PPP2R3B: variants seen among roughly 807,000 people sequenced by gnomAD.
PPP2R3B encodes the protein serine/threonine-protein phosphatase 2A regulatory subunit B'' subunit beta.
A neutral mutation model predicts 72.9 loss-of-function variants in PPP2R3B; 68 were observed. The ratio of observed to expected loss-of-function variants is 0.93; its 90% CI spans 0.77 to 1.14. The LOEUF (loss-of-function observed/expected upper bound fraction) is 1.14. PPP2R3B is among the 50% of genes most tolerant of loss of function. The pLI, the probability that PPP2R3B is intolerant of heterozygous loss-of-function variation, is 0.00. For missense variants in PPP2R3B, 1,018 were observed against 842.0 expected (o/e 1.21, Z -2.59); for synonymous variants, 466 against 375.8 (o/e 1.24, Z -2.78).
Position 334,222 on chromosome X carries a change from G to A in PPP2R3B, c.*145C>T, listed in dbSNP as rs2070821986. The A allele has an allele frequency of 1.2e-5, 12 of 1,019,410 alleles. No homozygotes were observed. The highest frequency in any genetic ancestry group is 1.6e-5 in the Non-Finnish European group (12 of 761,908). 63.1% of individuals were successfully genotyped at this position (1,019,410 alleles called of 1,614,324 possible). A position where few individuals can be genotyped will look rare whatever the true frequency, so the allele number is the denominator to read the frequency against. ...CAGGTCCAGCCACGAACCCACAGCG[G>A]CAATCAACACGCTTCTGTGAATAAA... is the stretch of plus-strand genomic sequence containing the variant. On this transcript the variant is annotated 3_prime_UTR_variant, in exon 13 of 13. Coordinates refer to ENST00000390665, the MANE Select transcript of PPP2R3B (RefSeq NM_013239.5).
At position 366,742 on chromosome X, in the gene PPP2R3B, AAT is replaced by A. The variant is rs1386764048; in HGVS notation, c.325-5154_325-5153del. 7.1e-4 allele frequency among the ~76,000 whole-genome samples: 73 copies of A among 102,270 alleles called. 14 individuals carry two copies. Among genetic ancestry groups the A allele is most frequent in the African/African-American group, 2.1e-3 (54 of 25,234 alleles). 67.1% of individuals were successfully genotyped at this position (102,270 alleles called of 152,430 possible). A position where few individuals can be genotyped will look rare whatever the true frequency, so the allele number is the denominator to read the frequency against. ...ACCAGGTGTGGTGGCGCATGCCTGTAATCCCAGCTACTTGAGAGGCTGAGGCA... is the reference window on the plus strand; with the variant it reads ...ACCAGGTGTGGTGGCGCATGCCTGTACCCAGCTACTTGAGAGGCTGAGGCA... On this transcript the variant is annotated intron_variant, in intron 1 of 12. Coordinates refer to ENST00000390665, the MANE Select transcript of PPP2R3B (RefSeq NM_013239.5).
intron 5 of PPP2R3B, 167 bp from the exon 6 acceptor site, chrX:346,427 G>C: frequency 1.5e-6 from 1 of 689,016 alleles, no homozygotes; most frequent in Non-Finnish European, 2.3e-6. Context: ...CGCCGCCCCA[G>C]GCCGCGGAAA....
Position 364,289 on chromosome X carries a change from CA to C in PPP2R3B, c.325-2700del, listed in dbSNP as rs1018985880. Among the ~76,000 whole-genome samples the C allele has an allele frequency of 4.5e-4, 68 of 152,248 alleles. No homozygotes were observed. The Middle Eastern group carries it at 0.017, about 38-fold the overall frequency. On this transcript the variant is annotated intron_variant, in intron 1 of 12. Coordinates refer to ENST00000390665, the MANE Select transcript of PPP2R3B (RefSeq NM_013239.5). ...CCTGGAGCTGCTGGTACGAGCTGGG[CA>C]GGGGGGAGTTCTCCCCCGAGAACTG...
intron 2 of PPP2R3B, among the ~76,000 whole-genome samples, chrX:350,915 C>T (rs1277225411): frequency 7.9e-5 from 12 of 152,248 alleles, no homozygotes; most frequent in Admixed American, 2.6e-4. Context: ...GCTTGGTTCA[C>T]GGTGCCCCAG....
At chrX:346,536 CCGGGCTCCCGGG>C in intron 5 of PPP2R3B, 153 bp downstream of exon 5, 2 of 698,512 alleles carry the variant, frequency 2.9e-6, no homozygotes, top group Non-Finnish European at 4.7e-6. Context: ...CCCCCCAACA[CCGGGCTCCCGGG>C]CGGGTGGAGA....
chrX:359,086 C>A (rs1280616196), intron 2 of PPP2R3B, among the ~76,000 whole-genome samples: 1 of 152,168 alleles, frequency 6.6e-6, no homozygotes. Context: ...GGACCCGAAG[C>A]GGACGCAGCG....
Position 338,684 on chromosome X carries a change from G to C in PPP2R3B, c.1497C>G (p.Leu499=). ...LRDGDSGGPE[L]SDWEKYAAEE... ...CGGCCGCGTACTTCTCCCAGTCCGA[G>C]AGCTCGGGGCCGCCGCTGTCACCGT... The change falls in exon 12 of 13, where the codon CTC becomes CTG. Residue 499 remains leucine (L), a synonymous_variant. Coordinates refer to ENST00000390665, the MANE Select transcript of PPP2R3B (RefSeq NM_013239.5). The C allele has an allele frequency of 6.2e-7, 1 of 1,611,648 alleles. No homozygotes were observed. The highest frequency in any genetic ancestry group is 1.1e-5 in the South Asian group (1 of 91,034).
chrX:346,319 A>ACGGAGAC, intron 5 of PPP2R3B, 59 bp from the exon 6 acceptor site: 2 of 1,498,270 alleles, frequency 1.3e-6, no homozygotes, highest in Non-Finnish European at 1.8e-6. Flanking sequence ...CTCGCCCCGC[A>ACGGAGAC]CGGAGACCGG....
At chrX:385,490 T>C (rs1341878997) in intron 1 of PPP2R3B, among the ~76,000 whole-genome samples, 2 of 151,964 alleles carry the variant, frequency 1.3e-5, no homozygotes. Context: ...CGGTGTATAA[T>C]CACCTTCTAT....
At chrX:361,639 G>A (rs754397232) in intron 1 of PPP2R3B, 49 bp from the exon 2 acceptor site, 9 of 1,599,396 alleles carry the variant, frequency 5.6e-6, no homozygotes, top group East Asian at 4.5e-5. Flanking sequence ...AGCATCGAAC[G>A]CCTTCTTCAC....
chrX:347,530 C>G, intron 3 of PPP2R3B, 60 bp downstream of exon 3: 1 of 1,513,316 alleles, frequency 6.6e-7, no homozygotes, highest in Non-Finnish European at 9.0e-7. Context: ...CCTGGCACCA[C>G]GGGGACCCGG....
chrX:379,111 G>A, intron 1 of PPP2R3B, among the ~76,000 whole-genome samples: 1 of 151,024 alleles, frequency 6.6e-6, no homozygotes. Context: ...ATGCACCTGT[G>A]TGTGCACCTG....
At position 353,815 on chromosome X, in the gene PPP2R3B, G is replaced by A. The variant is rs186085458; in HGVS notation, c.511-6122C>T. Among the ~76,000 whole-genome samples the A allele has an allele frequency of 7.1e-3, 1,067 of 150,026 alleles. 8 individuals are homozygous for A. Among genetic ancestry groups the A allele is most frequent in the Middle Eastern group, 0.015 (4 of 270 alleles). ...ACCCAAAGACTGGGGCTCACCCAAGGAGCAGGGGCTCGCCCAAAGACCGGG... is the reference window on the plus strand; with the variant it reads ...ACCCAAAGACTGGGGCTCACCCAAGAAGCAGGGGCTCGCCCAAAGACCGGG... On this transcript the variant is annotated intron_variant, in intron 2 of 12. Transcript: ENST00000390665.
At chrX:351,217 T>C (rs1205876661) in intron 2 of PPP2R3B, among the ~76,000 whole-genome samples, 4 of 152,082 alleles carry the variant, frequency 2.6e-5, no homozygotes, top group African/African-American at 9.7e-5. Context: ...CCTGGCCACC[T>C]GGAAGGGCGT....
intron 2 of PPP2R3B, among the ~76,000 whole-genome samples, chrX:354,411 C>G (rs1236298955): frequency 1.3e-5 from 2 of 152,268 alleles, no homozygotes; most frequent in Non-Finnish European, 2.9e-5. Flanking sequence ...CACCCAAGGA[C>G]CGGGGCTGCC....
chrX:369,287 G>A (rs2071803741), intron 1 of PPP2R3B, among the ~76,000 whole-genome samples: 1 of 152,166 alleles, frequency 6.6e-6, no homozygotes. Flanking sequence ...TGGCGGCCAG[G>A]TCATCCACTT....
At chrX:370,444 GA>G (rs1341420983) in intron 1 of PPP2R3B, among the ~76,000 whole-genome samples, 2 of 152,172 alleles carry the variant, frequency 1.3e-5, no homozygotes, top group Admixed American at 1.3e-4. Flanking sequence ...ACAGAGCTCG[GA>G]AGGCTGGGCT....
chrX:347,538 C>T (rs1569388615), intron 3 of PPP2R3B, 52 bp downstream of exon 3: 30 of 1,524,434 alleles, frequency 2.0e-5, no homozygotes, highest in East Asian at 4.9e-5. Flanking sequence ...CACGGGGACC[C>T]GGGGACGCCT....
chrX:339,042 G>A (rs769029961), intron 10 of PPP2R3B, 146 bp from the exon 11 acceptor site: 147 of 738,432 alleles, frequency 2.0e-4, no homozygotes, highest in Admixed American at 5.4e-4. Context: ...CGTGAAAGGC[G>A]GACACGCGAG....
Sources: gnomAD v4.1 joint callset for allele counts (sites outside exome capture counted in the v4.1 genomes callset) on GRCh38, gnomAD v4.1.1 for gene constraint, MANE v1.5 for transcripts, NCBI Gene and HGNC (gene_info 2026-07-23, HGNC 2026-07-21) for gene names.